SORCS3: variants seen among roughly 807,000 people sequenced by gnomAD.
SORCS3 encodes the protein VPS10 domain-containing receptor SorCS3.
In SORCS3, 57 loss-of-function variants were observed where a neutral mutation model predicts 146.3. That is an observed-to-expected ratio of 0.39 (90% CI 0.31 to 0.49). SORCS3 has a LOEUF of 0.49. Among genes scored for constraint, SORCS3 ranks in the 20% least tolerant of loss-of-function variants. The probability of loss-of-function intolerance (pLI) is 0.92; values close to 1 mark genes in which losing one functional copy is unlikely to be tolerated. For missense variants in SORCS3, 1,341 were observed against 1,575.5 expected, an observed-to-expected ratio of 0.85 and a Z score of 2.52; for synonymous variants, 653 against 618.5, an observed-to-expected ratio of 1.06 and a Z score of -0.83.
chr10:104,802,081 TGTA>T (rs1434185655), intron 1 of SORCS3, among the ~76,000 whole-genome samples: 14 of 152,336 alleles, frequency 9.2e-5, no homozygotes, highest in African/African-American at 3.1e-4. Flanking sequence ...GGTAATTAGT[TGTA>T]GTGATTAGAA....
chr10:104,743,019 G>A (rs2016867580), intron 1 of SORCS3, among the ~76,000 whole-genome samples: 1 of 152,182 alleles, frequency 6.6e-6, no homozygotes, highest in African/African-American at 2.4e-5. Flanking sequence ...CATTTTATAT[G>A]CATTACCTTT....
intron 1 of SORCS3, among the ~76,000 whole-genome samples, chr10:104,795,733 G>A (rs2017547567): frequency 6.6e-6 from 1 of 152,226 alleles, no homozygotes; most frequent in Admixed American, 6.5e-5. Flanking sequence ...GTGGCCAGAA[G>A]AGACCAGAGA....
intron 3 of SORCS3, among the ~76,000 whole-genome samples, chr10:104,960,257 C>T (rs1014819712): frequency 2.6e-5 from 4 of 152,264 alleles, no homozygotes; most frequent in Admixed American, 6.5e-5. Context: ...GTTTTCCTCA[C>T]GATAACTTGA....
At chr10:104,702,673 C>G (rs1016442479) in intron 1 of SORCS3, among the ~76,000 whole-genome samples, 2 of 152,156 alleles carry the variant, frequency 1.3e-5, no homozygotes, top group Non-Finnish European at 1.5e-5. Flanking sequence ...TTGGACTGTA[C>G]TCAGGGGCCT....
intron 2 of SORCS3, among the ~76,000 whole-genome samples, chr10:104,897,705 T>G (rs2018812164): frequency 6.6e-6 from 1 of 152,184 alleles, no homozygotes; most frequent in African/African-American, 2.4e-5. Context: ...GAGAGAAAGT[T>G]TGATTTCATT....
chr10:104,894,423 T>A (rs2018779109), intron 2 of SORCS3, among the ~76,000 whole-genome samples: 1 of 152,212 alleles, frequency 6.6e-6, no homozygotes, highest in Non-Finnish European at 1.5e-5. Context: ...AAATATTGAA[T>A]CATGAAGGCT....
chr10:105,238,469 G>A (rs903809939), intron 20 of SORCS3, among the ~76,000 whole-genome samples: 17 of 152,174 alleles, frequency 1.1e-4, no homozygotes, highest in Non-Finnish European at 8.8e-5. Flanking sequence ...TGGCATGGAA[G>A]GAGCAGTAGA....
chr10:105,050,149 G>A (rs1478680318), intron 5 of SORCS3, among the ~76,000 whole-genome samples: 1 of 151,944 alleles, frequency 6.6e-6, no homozygotes, highest in East Asian at 1.9e-4. Flanking sequence ...GGCAGTATCA[G>A]TCTATTTAGT....
chr10:104,812,744 A>G (rs911432050), intron 1 of SORCS3, among the ~76,000 whole-genome samples: 3 of 152,172 alleles, frequency 2.0e-5, no homozygotes, highest in African/African-American at 7.2e-5. Context: ...GTAGACAGCA[A>G]GGCAGTGCTG....
At chr10:105,156,886 G>A (rs186827605) in intron 9 of SORCS3, among the ~76,000 whole-genome samples, 2 of 151,684 alleles carry the variant, frequency 1.3e-5, no homozygotes, top group Non-Finnish European at 3.0e-5. Flanking sequence ...GTACAGAGAC[G>A]AGCAAACTGG....
intron 14 of SORCS3, among the ~76,000 whole-genome samples, chr10:105,193,950 G>T (rs182637955): frequency 1.3e-5 from 2 of 152,282 alleles, no homozygotes; most frequent in East Asian, 3.9e-4. Flanking sequence ...GGTGAATCTT[G>T]AGTGGTTGTC....
At chr10:104,944,605 C>T (rs1399010306) in intron 3 of SORCS3, among the ~76,000 whole-genome samples, 2 of 152,126 alleles carry the variant, frequency 1.3e-5, no homozygotes, top group African/African-American at 4.8e-5. Context: ...CATTTGAAAA[C>T]TAGCTCAATT....
intron 24 of SORCS3, 93 bp downstream of exon 24, chr10:105,255,894 G>A (rs2056928746): frequency 9.9e-7 from 1 of 1,011,236 alleles, no homozygotes; most frequent in African/African-American, 1.6e-5. Context: ...GCTGCATAAT[G>A]TCTGAAAGTG....
intron 7 of SORCS3, among the ~76,000 whole-genome samples, chr10:105,129,327 T>TTCTCTCTC (rs1258617373): frequency 3.5e-5 from 3 of 86,402 alleles, no homozygotes; most frequent in African/African-American, 4.1e-5. Flanking sequence ...CTTTCTTTCT[T>TTCTCTCTC]TCTCTTTTTT....
chr10:104,859,946 T>C lies in SORCS3; in HGVS notation c.695+17087T>C, dbSNP rs934046978. Among the ~76,000 whole-genome samples the C allele has an allele frequency of 3.1e-4, 25 of 81,074 alleles. 5 individuals carry two copies. The highest frequency in any genetic ancestry group is 8.3e-4 in the South Asian group (2 of 2,424). The allele number at this position is 81,074 out of a possible 152,430, so 53.2% of individuals were successfully genotyped here. A position where few individuals can be genotyped will look rare whatever the true frequency, so the allele number is the denominator to read the frequency against. On this transcript the variant is annotated intron_variant, in intron 2 of 26. Coordinates refer to ENST00000369701, the MANE Select transcript of SORCS3 (RefSeq NM_014978.3). Reference sequence around the variant, plus strand: ...AGGTGCTGGAGAGGATGTAGAGAAGTAGGAACACTTTTACACTGTTGGTGG... The same window carrying C: ...AGGTGCTGGAGAGGATGTAGAGAAGCAGGAACACTTTTACACTGTTGGTGG...
chr10:105,089,908 G>C, intron 6 of SORCS3, 69 bp downstream of exon 6: 1 of 1,249,746 alleles, frequency 8.0e-7, no homozygotes, highest in Non-Finnish European at 1.2e-6. Context: ...CCCCCAATTT[G>C]CATTTTAATA....
chr10:105,250,134 A>G (rs915933597), intron 22 of SORCS3, among the ~76,000 whole-genome samples: 1 of 152,092 alleles, frequency 6.6e-6, no homozygotes, highest in African/African-American at 2.4e-5. Context: ...CACATGGTGG[A>G]AAGGGCAAGG....
chr10:104,796,382 A>G (rs1441387435), intron 1 of SORCS3, among the ~76,000 whole-genome samples: 3 of 152,140 alleles, frequency 2.0e-5, no homozygotes, highest in African/African-American at 7.2e-5. Flanking sequence ...TATCAAGGAG[A>G]AAATTTGAGT....
intron 6 of SORCS3, among the ~76,000 whole-genome samples, chr10:105,102,852 C>T (rs1243662995): frequency 2.9e-5 from 4 of 137,818 alleles, no homozygotes; most frequent in East Asian, 2.2e-4. Flanking sequence ...TACCGTGGCG[C>T]GATCTCGGCT....
Sources: gnomAD v4.1 joint callset for allele counts (sites outside exome capture counted in the v4.1 genomes callset) on GRCh38, gnomAD v4.1.1 for gene constraint, MANE v1.5 for transcripts, NCBI Gene and HGNC (gene_info 2026-07-23, HGNC 2026-07-21) for gene names.